OTUD7A: variants seen among roughly 807,000 people sequenced by gnomAD.
The protein encoded by OTUD7A is OTU deubiquitinase 7A.
A neutral mutation model predicts 65.7 loss-of-function variants in OTUD7A; 12 were observed. The observed-to-expected ratio is 0.18, with a 90% CI of 0.12 to 0.30. The LOEUF (loss-of-function observed/expected upper bound fraction) is 0.30, where lower values mean the gene tolerates loss of function less well. Ranked by LOEUF, OTUD7A falls within the 10% of genes least tolerant of loss-of-function variation. The pLI is 1.00. For synonymous variants in OTUD7A, 641 were observed against 586.3 expected (o/e 1.09, Z -1.35); for missense variants, 1,148 against 1,304.8 (o/e 0.88, Z 1.85).
chr15:31,624,725 G>A (rs1379635399), intron 3 of OTUD7A, among the ~76,000 whole-genome samples: 3 of 152,024 alleles, frequency 2.0e-5, no homozygotes, highest in South Asian at 2.1e-4. Flanking sequence ...AAACTACTTG[G>A]TTCAGGAACC....
intron 3 of OTUD7A, among the ~76,000 whole-genome samples, chr15:31,595,374 C>A (rs1230306413): frequency 6.6e-6 from 1 of 152,250 alleles, no homozygotes; most frequent in Non-Finnish European, 1.5e-5. Flanking sequence ...TCCAGTTCCA[C>A]ACACGTTGCT....
intron 9 of OTUD7A, among the ~76,000 whole-genome samples, 200 bp from the exon 10 acceptor site, chr15:31,502,039 C>T (rs2041477329): frequency 6.6e-6 from 1 of 152,158 alleles, no homozygotes. Context: ...TCCTGCTGCC[C>T]TGAGACCTGC....
chr15:31,732,145 G>C (rs1894061269), intron 1 of OTUD7A, among the ~76,000 whole-genome samples: 1 of 152,096 alleles, frequency 6.6e-6, no homozygotes, highest in Non-Finnish European at 1.5e-5. Flanking sequence ...TACACTTCAT[G>C]GCCTTTTCCT....
chr15:31,515,839 GTCCA>G (rs1419236106), intron 8 of OTUD7A, among the ~76,000 whole-genome samples: 5 of 124,368 alleles, frequency 4.0e-5, no homozygotes, highest in Non-Finnish European at 6.7e-5. Flanking sequence ...CCATCCATCT[GTCCA>G]TCCATTCATC....
intron 3 of OTUD7A, among the ~76,000 whole-genome samples, chr15:31,654,546 G>A (rs1891931019): frequency 6.6e-6 from 1 of 151,950 alleles, no homozygotes; most frequent in Admixed American, 6.6e-5. Flanking sequence ...AGTTGTAACT[G>A]GTCCCTCCCA....
intron 3 of OTUD7A, among the ~76,000 whole-genome samples, chr15:31,585,162 G>A (rs1323005300): frequency 6.6e-6 from 1 of 152,182 alleles, no homozygotes; most frequent in East Asian, 1.9e-4. Flanking sequence ...CAAAGGATAT[G>A]GATGGGTGAG....
intron 7 of OTUD7A, 142 bp downstream of exon 7, chr15:31,527,039 G>T: frequency 7.9e-7 from 1 of 1,266,482 alleles, no homozygotes; most frequent in Non-Finnish European, 1.1e-6. Flanking sequence ...AAAAGCAGGA[G>T]ACTTTCCTGA....
intron 3 of OTUD7A, among the ~76,000 whole-genome samples, chr15:31,609,005 A>G (rs1290979854): frequency 2.0e-5 from 3 of 152,180 alleles, no homozygotes; most frequent in African/African-American, 7.2e-5. Flanking sequence ...AGTTTGTGGG[A>G]GAAGTTTCTG....
intron 1 of OTUD7A, among the ~76,000 whole-genome samples, chr15:31,713,511 C>T (rs546947584): frequency 3.9e-5 from 6 of 151,966 alleles, no homozygotes; most frequent in South Asian, 2.1e-4. Context: ...CCCAGCTACT[C>T]GGGAGGCTGA....
intron 1 of OTUD7A, among the ~76,000 whole-genome samples, chr15:31,764,633 TATAAAA>T (rs1349125734): frequency 2.0e-5 from 3 of 152,164 alleles, no homozygotes; most frequent in African/African-American, 7.2e-5. Context: ...TCTTGACACT[TATAAAA>T]ATGTTTATAA....
chr15:31,532,300 A>C (rs1887649004), intron 5 of OTUD7A, among the ~76,000 whole-genome samples: 1 of 152,200 alleles, frequency 6.6e-6, no homozygotes, highest in South Asian at 2.1e-4. Flanking sequence ...AAAAATTAGA[A>C]AATGTAGTAA....
At chr15:31,786,882 C>A (rs1196199144) in intron 1 of OTUD7A, among the ~76,000 whole-genome samples, 1 of 152,152 alleles carries the variant, frequency 6.6e-6, no homozygotes, top group Non-Finnish European at 1.5e-5. Context: ...TTCATTCCAT[C>A]TCATTATGAA....
intron 1 of OTUD7A, among the ~76,000 whole-genome samples, chr15:31,700,345 C>T (rs988435718): frequency 2.0e-4 from 30 of 152,108 alleles, no homozygotes; most frequent in African/African-American, 7.0e-4. Flanking sequence ...CTTTTCCACC[C>T]TTTGCCCTGC....
At chr15:31,775,176 A>G (rs1895344517) in intron 1 of OTUD7A, among the ~76,000 whole-genome samples, 1 of 151,876 alleles carries the variant, frequency 6.6e-6, no homozygotes, top group Non-Finnish European at 1.5e-5. Flanking sequence ...CACTTTGACT[A>G]CGCTAATCAT....
At chr15:31,615,685 T>C (rs1890564795) in intron 3 of OTUD7A, among the ~76,000 whole-genome samples, 1 of 152,362 alleles carries the variant, frequency 6.6e-6, no homozygotes, top group East Asian at 1.9e-4. Context: ...ATTGATCATA[T>C]GCTAGGCCAT....
rs777306099 is a variant in OTUD7A, at chr15:31,484,125, G to T, written c.1971C>A (p.His657Gln). 1.2e-6 allele frequency: 2 copies of T among 1,608,458 alleles called. No individual in the cohort carries two copies. Among genetic ancestry groups the T allele is most frequent in the South Asian group, 1.1e-5 (1 of 90,994 alleles). The change falls in exon 13 of 13, where the codon CAC (histidine) becomes CAA (glutamine). Residue 657 changes from histidine to glutamine, a missense_variant. By Grantham distance (24) the His-to-Gln change is conservative. Coordinates refer to ENST00000307050, the MANE Select transcript of OTUD7A (RefSeq NM_001382637.1). This position sits in a 1 kb window ranked among gnomAD's most constrained non-coding sequence, Gnocchi z 4.5. ...LLLTSHRHQF[H>Q]EEMIGYYLTS... ...TCAGGTAGTAGCCGATCATCTCCTC[G>T]TGGAACTGGTGCCGGTGGCTGGTGA...
intron 1 of OTUD7A, among the ~76,000 whole-genome samples, chr15:31,666,612 T>A (rs1339219769): frequency 1.3e-5 from 2 of 152,208 alleles, no homozygotes; most frequent in Non-Finnish European, 2.9e-5. Flanking sequence ...CTTTTGTATT[T>A]TGTTTGTTTC....
chr15:31,854,248 C>T (rs567302056), intron 1 of OTUD7A, among the ~76,000 whole-genome samples: 2 of 152,304 alleles, frequency 1.3e-5, no homozygotes, highest in South Asian at 2.1e-4. Flanking sequence ...CTGACCTCTG[C>T]TCTCACTGCC....
At chr15:31,600,448 C>T (rs1303119914) in intron 3 of OTUD7A, among the ~76,000 whole-genome samples, 3 of 152,182 alleles carry the variant, frequency 2.0e-5, no homozygotes, top group Non-Finnish European at 2.9e-5. Flanking sequence ...CTTACAAGAG[C>T]TCCTGAAGGA....
Sources: allele counts gnomAD v4.1 joint callset (sites outside exome capture counted in the v4.1 genomes callset), GRCh38; gene constraint gnomAD v4.1.1; non-coding constraint Gnocchi (gnomAD v3.1); transcripts MANE v1.5; gene names NCBI Gene and HGNC (gene_info 2026-07-23, HGNC 2026-07-21).